MTFR1L: variants seen among roughly 807,000 people sequenced by gnomAD.
MTFR1L encodes mitochondrial fission regulator 1 like, also known as mitochondrial fission regulator 1-like.
A neutral mutation model predicts 27.9 loss-of-function variants in MTFR1L; 10 were observed. The observed-to-expected ratio is 0.36, with a 90% CI of 0.22 to 0.61. The LOEUF (loss-of-function observed/expected upper bound fraction) is 0.61, where lower values mean the gene tolerates loss of function less well. Among genes scored for constraint, MTFR1L ranks in the 20% least tolerant of loss-of-function variants. MTFR1L has a pLI of 0.73. For missense variants in MTFR1L, 315 were observed against 363.7 expected, an observed-to-expected ratio of 0.87 and a Z score of 1.09; for synonymous variants, 151 against 139.4, an observed-to-expected ratio of 1.08 and a Z score of -0.58.
chr1:25,827,747 C>T (rs534152750), intron 5 of MTFR1L, among the ~76,000 whole-genome samples: 3 of 151,736 alleles, frequency 2.0e-5, no homozygotes, highest in South Asian at 2.1e-4. Flanking sequence ...GCGGTTGAAA[C>T]AAGAGTCTCA....
chr1:25,824,382 C>T (rs2048140835), intron 3 of MTFR1L, among the ~76,000 whole-genome samples: 1 of 152,186 alleles, frequency 6.6e-6, no homozygotes, highest in Non-Finnish European at 1.5e-5. Context: ...TTAGTCCCAG[C>T]TGCCTCCCTC....
intron 5 of MTFR1L, among the ~76,000 whole-genome samples, chr1:25,828,707 A>C (rs1163922939): frequency 6.6e-6 from 1 of 152,124 alleles, no homozygotes; most frequent in Non-Finnish European, 1.5e-5. Flanking sequence ...CAACAGGTGG[A>C]TCGCTCCCAA....
Position 25,832,516 on chromosome 1 carries a change from T to C in MTFR1L, c.*490T>C. 2 of 242,468 alleles carry C rather than the reference T, an allele frequency of 8.2e-6. No homozygotes were observed. The highest frequency in any genetic ancestry group is 1.3e-4 in the South Asian group (2 of 15,418). The allele number at this position is 242,468 out of a possible 1,614,324, so 15.0% of individuals were successfully genotyped here. A position where few individuals can be genotyped will look rare whatever the true frequency, so the allele number is the denominator to read the frequency against. The stretch of plus-strand genomic sequence containing the variant: ...ATCTTATGCTGCTCCGTCATAAACC[T>C]ACACCAATGCCCAGCAATCACCCTC... On this transcript the variant is annotated 3_prime_UTR_variant, in exon 7 of 7. Transcript: ENST00000374303.
rs1435270944 is a variant in MTFR1L at position 25,826,884 on chromosome 1, T to G, written c.451+58T>G. The G allele has an allele frequency of 6.4e-7, 1 of 1,572,592 alleles. No individual in the cohort carries two copies. Among genetic ancestry groups the G allele is most frequent in the Non-Finnish European group, 8.7e-7 (1 of 1,152,800 alleles). The stretch of plus-strand genomic sequence containing the variant: ...CAGGCTGTTCCTTTCCCCTGGCTCT[T>G]GGGCAGGATAGGGGTAAAGAAAGTG... On this transcript the variant is annotated intron_variant, in intron 5 of 6. Transcript: ENST00000374303. This position sits in a 1 kb window ranked among gnomAD's most constrained non-coding sequence, Gnocchi z 4.1.
At chr1:25,830,745 G>A (rs1247602895) in intron 6 of MTFR1L, among the ~76,000 whole-genome samples, 1 of 152,218 alleles carries the variant, frequency 6.6e-6, no homozygotes, top group Non-Finnish European at 1.5e-5. Flanking sequence ...TAAAGGGAAA[G>A]TTACTTGCCC....
In MTFR1L at chr1:25,823,027, A is replaced by G; in HGVS notation, c.-78A>G. 6.2e-7 allele frequency: 1 copy of G among 1,613,594 alleles called. No homozygotes were observed. On this transcript the variant is annotated 5_prime_UTR_variant, in exon 2 of 7. The change abolishes the stop of an existing upstream ORF in the 5' untranslated region. Transcript: ENST00000374303. ...ATCTGGTGCTCCTCCAGATGGCCTG[A>G]TATGAAGGAGTCACGCCTCCCGCCT... is the stretch of plus-strand genomic sequence containing the variant.
rs751616757 is a variant in MTFR1L, at chr1:25,826,545, G to C, written c.240-70G>C. 260 of 1,593,132 alleles carry C rather than the reference G, an allele frequency of 1.6e-4. No individual in the cohort carries two copies. The highest frequency in any genetic ancestry group is 2.0e-4 in the Non-Finnish European group (229 of 1,162,112). ...CTTACTATACTACTCTCACAGAAGT[G>C]GGGGAAGGAACCTTAGGAGCACAGT... On this transcript the variant is annotated intron_variant, in intron 4 of 6. Transcript: ENST00000374303. This position sits in a 1 kb window ranked among gnomAD's most constrained non-coding sequence, Gnocchi z 4.1.
chr1:25,821,936 GC>G (rs1338823517), intron 1 of MTFR1L: 1 of 152,256 alleles, frequency 6.6e-6, no homozygotes, highest in East Asian at 1.9e-4. Flanking sequence ...CCCCTACGGT[GC>G]CCAGCACAAG....
chr1:25,829,850 C>T lies in MTFR1L; in HGVS notation c.773+20C>T. On this transcript the variant is annotated intron_variant, in intron 6 of 6. Transcript: ENST00000374303. Reference sequence around the variant, plus strand: ...AGATCTGTAAGTATCTGATGAGGAGCTCTGGTATCTATTTACTCAGAGTTG... The same window carrying T: ...AGATCTGTAAGTATCTGATGAGGAGTTCTGGTATCTATTTACTCAGAGTTG... The T allele has an allele frequency of 1.3e-6, 2 of 1,571,628 alleles. No homozygotes were observed. The highest frequency in any genetic ancestry group is 2.3e-5 in the East Asian group (1 of 44,422).
intron 1 of MTFR1L, chr1:25,820,458 G>A (rs987282478): frequency 1.8e-5 from 7 of 385,464 alleles, no homozygotes; most frequent in Non-Finnish European, 3.5e-5. Flanking sequence ...GCCCTGGCGG[G>A]TCCCCGCGGG....
chr1:25,824,643 C>G (rs2048144997), intron 3 of MTFR1L, among the ~76,000 whole-genome samples: 1 of 152,122 alleles, frequency 6.6e-6, no homozygotes, highest in East Asian at 1.9e-4. Flanking sequence ...GTATTAGGGT[C>G]AGGAATGGAG....
At chr1:25,827,488 T>C (rs1435378522) in intron 5 of MTFR1L, among the ~76,000 whole-genome samples, 2 of 151,070 alleles carry the variant, frequency 1.3e-5, no homozygotes, top group Non-Finnish European at 2.9e-5. Flanking sequence ...TTGCCCAGGC[T>C]GGAGTGCAGT....
chr1:25,831,860 C>T, intron 6 of MTFR1L, 61 bp from the exon 7 acceptor site: 4 of 1,335,594 alleles, frequency 3.0e-6, no homozygotes, highest in South Asian at 2.4e-5. Flanking sequence ...ATAATGTATT[C>T]AAAAGATATA....
chr1:25,832,069 C>T lies in MTFR1L; in HGVS notation c.*43C>T. 6.2e-7 allele frequency: 1 copy of T among 1,613,768 alleles called. No homozygotes were observed. The highest frequency in any genetic ancestry group is 8.5e-7 in the Non-Finnish European group (1 of 1,179,962). On this transcript the variant is annotated 3_prime_UTR_variant, in exon 7 of 7. Transcript: ENST00000374303. ...AACTCAGTCTCATGCTCCTGGAATA[C>T]CTTCAATAGCTGCCTTCCTCACCGC...
At chr1:25,821,051 G>A (rs113066314) in intron 1 of MTFR1L, 4,387 of 275,642 alleles carry the variant, frequency 0.016, 188 homozygotes, top group African/African-American at 0.096. Flanking sequence ...GGAGGGCAAG[G>A]GGGAGAGCAG....
intron 3 of MTFR1L, among the ~76,000 whole-genome samples, chr1:25,824,695 A>G (rs1287124181): frequency 6.6e-6 from 1 of 152,132 alleles, no homozygotes; most frequent in Non-Finnish European, 1.5e-5. Context: ...AAGCTGTCCC[A>G]GTATTCAGAT....
intron 1 of MTFR1L, among the ~76,000 whole-genome samples, chr1:25,821,285 G>T (rs1428247730): frequency 6.6e-6 from 1 of 152,228 alleles, no homozygotes; most frequent in Admixed American, 6.5e-5. Context: ...GGTCGGAGAG[G>T]AAGTGGCAGT....
Position 25,832,147 on chromosome 1 carries a change from C to T in MTFR1L, c.*121C>T. On this transcript the variant is annotated 3_prime_UTR_variant, in exon 7 of 7. Coordinates refer to ENST00000374303, the MANE Select transcript of MTFR1L (RefSeq NM_001099625.2). ...CTTCTGCAACAGTCTTGCTGACAAGCTAGAGCTTGGACTGAAAGAGAAGAG... is the reference window on the plus strand; with the variant it reads ...CTTCTGCAACAGTCTTGCTGACAAGTTAGAGCTTGGACTGAAAGAGAAGAG... 6.3e-7 allele frequency: 1 copy of T among 1,575,996 alleles called. No homozygotes were observed. Among genetic ancestry groups the T allele is most frequent in the Non-Finnish European group, 8.6e-7 (1 of 1,163,730 alleles).
In MTFR1L at chr1:25,819,984, G is replaced by A. The variant is rs2048063104; in HGVS notation, c.-132G>A. The stretch of plus-strand genomic sequence containing the variant: ...GGTTGAGGCTGGGCGGCCCAAGGTG[G>A]AAGGAGGGGCCGTGAGGTGAGAGAG... On this transcript the variant is annotated 5_prime_UTR_variant, in exon 1 of 7. Transcript: ENST00000374303. 1 of 332,926 alleles carries A rather than the reference G, an allele frequency of 3.0e-6. No homozygotes were observed. Among genetic ancestry groups the A allele is most frequent in the African/African-American group, 2.3e-5 (1 of 43,760 alleles). The allele number at this position is 332,926 out of a possible 1,614,324, so 20.6% of individuals were successfully genotyped here. A position where few individuals can be genotyped will look rare whatever the true frequency, so the allele number is the denominator to read the frequency against.
Sources: gnomAD v4.1 joint callset for allele counts (sites outside exome capture counted in the v4.1 genomes callset) on GRCh38, gnomAD v4.1.1 for gene constraint, Gnocchi (gnomAD v3.1) non-coding constraint, MANE v1.5 for transcripts, NCBI Gene and HGNC (gene_info 2026-07-23, HGNC 2026-07-21) for gene names.